GCH1: variants seen among roughly 807,000 people sequenced by gnomAD.
GCH1 encodes the protein GTP cyclohydrolase I.
In GCH1, 5 loss-of-function variants were observed where a neutral mutation model predicts 25.9. The ratio of observed to expected loss-of-function variants is 0.19; its 90% CI spans 0.10 to 0.41. The LOEUF (loss-of-function observed/expected upper bound fraction) is 0.41. Among genes scored for constraint, GCH1 ranks in the 10% least tolerant of loss-of-function variants. The pLI is 1.00. For missense variants in GCH1, 261 were observed against 336.5 expected (o/e 0.78, Z 1.75); for synonymous variants, 159 against 129.6 (o/e 1.23, Z -1.54).
Position 54,845,731 on chromosome 14 carries a change from A to G in GCH1, c.626+37T>C, listed in dbSNP as rs183945910. Reference sequence around the variant, plus strand: ...TAAATAGCAAGATCACTTCTAGTGCACCATTATGACGTTACTAAAGGCAGA... The same window carrying G: ...TAAATAGCAAGATCACTTCTAGTGCGCCATTATGACGTTACTAAAGGCAGA... On this transcript the variant is annotated intron_variant, in intron 5 of 5. Coordinates refer to ENST00000491895, the MANE Select transcript of GCH1 (RefSeq NM_000161.3). 601 of 1,082,864 alleles carry G rather than the reference A, an allele frequency of 5.6e-4. 1 individual carries two copies. In the African/African-American group the frequency reaches 8.3e-3, roughly 15 times the overall value. 67.1% of individuals were successfully genotyped at this position (1,082,864 alleles called of 1,614,324 possible). A position where few individuals can be genotyped will look rare whatever the true frequency, so the allele number is the denominator to read the frequency against.
rs570666909 is a variant in GCH1 at position 54,884,685 on chromosome 14, G to A, written c.343+17636C>T. 7.7e-5 allele frequency among the ~76,000 whole-genome samples: 11 copies of A among 143,226 alleles called. No individual in the cohort carries two copies. The East Asian group carries it at 1.4e-3, about 18-fold the overall frequency. 94.0% of individuals were successfully genotyped at this position (143,226 alleles called of 152,430 possible). ...CTTGGGAGGCTGAGGCAGGAGAATC[G>A]CTTGAACCCAGAAGACAGAGGTTGC... On this transcript the variant is annotated intron_variant, in intron 1 of 5. Transcript: ENST00000491895.
intron 1 of GCH1, among the ~76,000 whole-genome samples, chr14:54,894,455 TTAGTCTC>T: frequency 6.6e-6 from 1 of 152,240 alleles, no homozygotes; most frequent in South Asian, 2.1e-4. Context: ...TTTTGGAACT[TTAGTCTC>T]TAGAACTGTG....
At chr14:54,856,119 C>T (rs1051846963) in intron 3 of GCH1, among the ~76,000 whole-genome samples, 1 of 152,214 alleles carries the variant, frequency 6.6e-6, no homozygotes, top group Non-Finnish European at 1.5e-5. Flanking sequence ...CTGGAATAGG[C>T]CTTGCTCCTA....
intron 2 of GCH1, among the ~76,000 whole-genome samples, chr14:54,861,618 G>C (rs1594984840): frequency 6.6e-6 from 1 of 151,822 alleles, no homozygotes; most frequent in South Asian, 2.1e-4. Context: ...AGCTATTCGA[G>C]AGGCTGAAGC....
rs1280259311 is a variant in GCH1 at position 54,843,113 on chromosome 14, G to A, written c.*904C>T. On this transcript the variant is annotated 3_prime_UTR_variant, in exon 6 of 6. Transcript: ENST00000491895. ...AAATACTTAGAAAAATATCTTATAA[G>A]ATTAAAAAAAAGAAGAAGAAGAAAC... 2 of 1,488,960 alleles carry A rather than the reference G, an allele frequency of 1.3e-6. No individual in the cohort carries two copies. Among genetic ancestry groups the A allele is most frequent in the African/African-American group, 1.5e-5 (1 of 68,106 alleles). 92.2% of individuals were successfully genotyped at this position (1,488,960 alleles called of 1,614,324 possible).
chr14:54,883,522 A>G (rs982238443), intron 1 of GCH1, among the ~76,000 whole-genome samples: 2 of 152,014 alleles, frequency 1.3e-5, no homozygotes, highest in African/African-American at 4.8e-5. Flanking sequence ...TACTAAAAAT[A>G]CAAAAAATTA....
At chr14:54,850,305 C>CTT (rs763310228) in intron 3 of GCH1, among the ~76,000 whole-genome samples, 36 of 117,022 alleles carry the variant, frequency 3.1e-4, no homozygotes, top group African/African-American at 8.6e-4. Context: ...TAAGTAGGTT[C>CTT]TTTTTTTTTT....
At chr14:54,889,015 C>T (rs978369614) in intron 1 of GCH1, among the ~76,000 whole-genome samples, 7 of 152,144 alleles carry the variant, frequency 4.6e-5, no homozygotes, top group African/African-American at 7.2e-5. Flanking sequence ...AGAGATGACA[C>T]CAAAATGAAA....
intron 1 of GCH1, among the ~76,000 whole-genome samples, chr14:54,865,896 C>G (rs940066893): frequency 6.6e-6 from 1 of 152,138 alleles, no homozygotes; most frequent in Non-Finnish European, 1.5e-5. Flanking sequence ...CACCTGTAAA[C>G]CTGACCTCTA....
chr14:54,882,723 A>C (rs1369965876), intron 1 of GCH1, among the ~76,000 whole-genome samples: 2 of 152,174 alleles, frequency 1.3e-5, no homozygotes, highest in Non-Finnish European at 2.9e-5. Flanking sequence ...AAAAGCCTCT[A>C]ATAGGCTCGT....
chr14:54,881,697 C>T (rs2040275245), intron 1 of GCH1, among the ~76,000 whole-genome samples: 1 of 152,156 alleles, frequency 6.6e-6, no homozygotes, highest in Admixed American at 6.5e-5. Flanking sequence ...GCTCCACAAA[C>T]TTATTTCATA....
In GCH1 at chr14:54,853,603, G is replaced by A. The variant is rs184367666; in HGVS notation, c.509+6078C>T. ...TAGTTCACCACACCCAGCATCAGTA[G>A]TTGTCAGTTTTAATCTAAACCATTC... On this transcript the variant is annotated intron_variant, in intron 3 of 5. Transcript: ENST00000491895. 1.3e-3 allele frequency among the ~76,000 whole-genome samples: 204 copies of A among 152,326 alleles called. 2 individuals are homozygous for A. The highest frequency in any genetic ancestry group is 4.7e-3 in the African/African-American group (196 of 41,572).
chr14:54,889,572 G>T (rs2040398349), intron 1 of GCH1, among the ~76,000 whole-genome samples: 1 of 152,180 alleles, frequency 6.6e-6, no homozygotes, highest in African/African-American at 2.4e-5. Flanking sequence ...CCAGAATTCA[G>T]TCACGGCCAA....
chr14:54,884,764 C>CT (rs1424470895), intron 1 of GCH1: 9 of 148,988 alleles, frequency 6.0e-5, no homozygotes, highest in African/African-American at 2.3e-4. Flanking sequence ...GAGTGAAACT[C>CT]TGTCTCAAAA....
intron 1 of GCH1, among the ~76,000 whole-genome samples, chr14:54,895,073 G>T (rs750313763): frequency 9.9e-5 from 15 of 152,156 alleles, no homozygotes; most frequent in East Asian, 1.9e-4. Context: ...AATCCGAGAG[G>T]TTTGTGATTC....
chr14:54,871,265 C>A (rs939963507), intron 1 of GCH1, among the ~76,000 whole-genome samples: 7 of 152,182 alleles, frequency 4.6e-5, no homozygotes, highest in African/African-American at 1.7e-4. Flanking sequence ...CAGCAAACTC[C>A]AACAGACCGG....
chr14:54,891,662 G>A (rs2040424953), intron 1 of GCH1, among the ~76,000 whole-genome samples: 2 of 152,040 alleles, frequency 1.3e-5, no homozygotes, highest in Non-Finnish European at 2.9e-5. Context: ...GACCTGCCTC[G>A]GCCACCCAAA....
At chr14:54,847,739 C>T (rs1483371678) in intron 3 of GCH1, among the ~76,000 whole-genome samples, 2 of 151,958 alleles carry the variant, frequency 1.3e-5, no homozygotes, top group African/African-American at 4.8e-5. Context: ...GACCACCAAC[C>T]ACTGCAGAGT....
intron 1 of GCH1, among the ~76,000 whole-genome samples, chr14:54,900,845 T>TCTCACA (rs372705352): frequency 4.9e-4 from 71 of 144,740 alleles, no homozygotes; most frequent in Non-Finnish European, 9.9e-4. Flanking sequence ...GTGAAATATC[T>TCTCACA]CACACACACA....
Sources: allele counts gnomAD v4.1 joint callset (sites outside exome capture counted in the v4.1 genomes callset), GRCh38; gene constraint gnomAD v4.1.1; transcripts MANE v1.5; gene names NCBI Gene and HGNC (gene_info 2026-07-23, HGNC 2026-07-21).